RBBP4: variants seen among roughly 807,000 people sequenced by gnomAD.
RBBP4 encodes the protein RB binding protein 4, chromatin remodeling factor.
In RBBP4, 3 loss-of-function variants were observed where a neutral mutation model predicts 57.2. The ratio of observed to expected loss-of-function variants is 0.05; its 90% CI spans 0.02 to 0.14. The LOEUF is 0.14. Among genes scored for constraint, RBBP4 ranks in the 10% least tolerant of loss-of-function variants. RBBP4 has a pLI of 1.00. For synonymous variants in RBBP4, 151 were observed against 171.5 expected (o/e 0.88, Z 0.93); for missense variants, 107 against 520.6 (o/e 0.21, Z 7.73).
intron 3 of RBBP4, among the ~76,000 whole-genome samples, chr1:32,665,242 T>C (rs983106343): frequency 1.3e-5 from 2 of 152,284 alleles, no homozygotes; most frequent in East Asian, 3.9e-4. Context: ...TTAGAATCTA[T>C]CTTGAATTTT....
At chr1:32,675,752 G>A (rs1245162604) in intron 11 of RBBP4, among the ~76,000 whole-genome samples, 1 of 151,984 alleles carries the variant, frequency 6.6e-6, no homozygotes, top group East Asian at 1.9e-4. Flanking sequence ...CTGGGTGACA[G>A]GGCGAGACTC....
chr1:32,684,452 A>T lies in RBBP4; in HGVS notation c.*4747A>T, dbSNP rs1649678205. 1 of 1,602,988 alleles carries T rather than the reference A, an allele frequency of 6.2e-7. No homozygotes were observed. The highest frequency in any genetic ancestry group is 1.3e-5 in the African/African-American group (1 of 74,430). ...AAACTCACATTGTCCACTCTTACTT[A>T]TAAAACACTTTTTTGTTCATTGTTT... On this transcript the variant is annotated 3_prime_UTR_variant, in exon 12 of 12. Coordinates refer to ENST00000373493, the MANE Select transcript of RBBP4 (RefSeq NM_005610.3).
At position 32,679,219 on chromosome 1, in the gene RBBP4, C is replaced by T. The variant is rs786195; in HGVS notation, c.1213-421C>T. On this transcript the variant is annotated intron_variant, in intron 11 of 11. Coordinates refer to ENST00000373493, the MANE Select transcript of RBBP4 (RefSeq NM_005610.3). ...GGCTGAGGCAGGAGAATTGCTTGAA[C>T]CTGGGAGGCATAGGTTGCAGTGAGC... is the stretch of plus-strand genomic sequence containing the variant. Among the ~76,000 whole-genome samples the T allele has an allele frequency of 3.6e-3, 554 of 152,218 alleles. 5 individuals are homozygous for T. The highest frequency in any genetic ancestry group is 0.013 in the African/African-American group (523 of 41,552).
chr1:32,679,561 C>T (rs754115437), intron 11 of RBBP4, 79 bp from the exon 12 acceptor site: 2 of 1,302,688 alleles, frequency 1.5e-6, no homozygotes, highest in Non-Finnish European at 2.1e-6. Context: ...TCTCTGGCTT[C>T]CTGGCCTAAT....
intron 3 of RBBP4, among the ~76,000 whole-genome samples, chr1:32,666,971 G>C (rs1648680493): frequency 6.6e-6 from 1 of 152,216 alleles, no homozygotes; most frequent in Admixed American, 6.5e-5. Context: ...TGAGCCCTCT[G>C]TCACGCCCGC....
Position 32,651,975 on chromosome 1 carries a change from G to A in RBBP4, c.78G>A (p.Lys26=). The A allele has an allele frequency of 6.2e-7, 1 of 1,613,948 alleles. No homozygotes were observed. The highest frequency in any genetic ancestry group is 8.5e-7 in the Non-Finnish European group (1 of 1,179,844). ...ACGAGGAATACAAAATATGGAAAAA[G>A]AACACCCCTTTTCTTTATGATTTGG... ...VINEEYKIWK[K]NTPFLYDLVM... Residue 26 remains lysine, a synonymous_variant, in exon 2 of 12, where the codon AAG becomes AAA. Coordinates refer to ENST00000373493, the MANE Select transcript of RBBP4 (RefSeq NM_005610.3).
rs1400893005 is a variant in RBBP4, at chr1:32,685,741, C to CAA, written c.*6039_*6040dup. 2 of 152,192 alleles carry CAA rather than the reference C, an allele frequency of 1.3e-5. No individual in the cohort carries two copies. Among genetic ancestry groups the CAA allele is most frequent in the Admixed American group, 6.5e-5 (1 of 15,280 alleles). 9.4% of individuals were successfully genotyped at this position (152,192 alleles called of 1,614,324 possible). A position where few individuals can be genotyped will look rare whatever the true frequency, so the allele number is the denominator to read the frequency against. On this transcript the variant is annotated 3_prime_UTR_variant, in exon 12 of 12. Coordinates refer to ENST00000373493, the MANE Select transcript of RBBP4 (RefSeq NM_005610.3). ...ACCTACCAGACCCGTTGGTAAGGTA[C>CAA]AAAAGTACATGCTTGGAAAAGCAGT...
At chr1:32,668,512 A>G (rs1424295068) in intron 4 of RBBP4, 114 bp downstream of exon 4, 12 of 1,180,140 alleles carry the variant, frequency 1.0e-5, no homozygotes, top group Non-Finnish European at 1.2e-5. Flanking sequence ...TGTGATTTGT[A>G]TTGATATGTG....
rs928127440 is a variant in RBBP4 at position 32,668,105 on chromosome 1, C to A, written c.311-120C>A. ...ATAGTGCTAGCAAATGTATAGATTA[C>A]ATCTAGTATTATGCCAGTTTGTTGC... On this transcript the variant is annotated intron_variant, in intron 3 of 11. Coordinates refer to ENST00000373493, the MANE Select transcript of RBBP4 (RefSeq NM_005610.3). 2.0e-5 allele frequency: 18 copies of A among 883,534 alleles called. No homozygotes were observed. In the African/African-American group the frequency reaches 2.7e-4, roughly 13 times the overall value. The allele number at this position is 883,534 out of a possible 1,614,324, so 54.7% of individuals were successfully genotyped here.
intron 11 of RBBP4, among the ~76,000 whole-genome samples, chr1:32,674,809 CCTCTGCCTCCCAGGTTCAAGCAATT>C (rs1448291659): frequency 7.2e-5 from 11 of 151,756 alleles, no homozygotes; most frequent in East Asian, 3.9e-4. Flanking sequence ...CTCACTGCAA[CCTCTGCCTCCCAGGTTCAAGCAATT>C]CTCCTGCCTC....
rs1649381538 is a variant in RBBP4, at chr1:32,680,748, G to C, written c.*1043G>C. ...CCTTCAGATGACAGTTGTTGTCCAT[G>C]GTCTTTGACTATCAAGAGCAGAATT... On this transcript the variant is annotated 3_prime_UTR_variant, in exon 12 of 12. Transcript: ENST00000373493. The C allele has an allele frequency of 1.9e-6, 1 of 514,766 alleles. No homozygotes were observed. The highest frequency in any genetic ancestry group is 3.2e-5 in the East Asian group (1 of 31,172). 31.9% of individuals were successfully genotyped at this position (514,766 alleles called of 1,614,324 possible).
chr1:32,664,118 CGG>C (rs1557855495), intron 3 of RBBP4, among the ~76,000 whole-genome samples: 1 of 151,804 alleles, frequency 6.6e-6, no homozygotes, highest in East Asian at 1.9e-4. Flanking sequence ...TTATTAGAGA[CGG>C]GGTTTTACCG....
At chr1:32,671,954 A>G (rs1474298312) in intron 8 of RBBP4, among the ~76,000 whole-genome samples, 2 of 152,072 alleles carry the variant, frequency 1.3e-5, no homozygotes, top group Non-Finnish European at 2.9e-5. Context: ...TCCTGGGTCT[A>G]GAAATGTCTA....
rs1320681279 is a variant in RBBP4, at chr1:32,679,755, C to G, written c.*50C>G. On this transcript the variant is annotated 3_prime_UTR_variant, in exon 12 of 12. Transcript: ENST00000373493. ...TAGACTCCCCTTTTTTCTTCTCAAC[C>G]CTGAGAGTGATTTAACACTGGTTTT... 3 of 1,608,188 alleles carry G rather than the reference C, an allele frequency of 1.9e-6. No individual in the cohort carries two copies. The highest frequency in any genetic ancestry group is 8.5e-7 in the Non-Finnish European group (1 of 1,177,628).
chr1:32,667,455 C>A (rs1648703161), intron 3 of RBBP4, among the ~76,000 whole-genome samples: 1 of 152,112 alleles, frequency 6.6e-6, no homozygotes. Context: ...TTACCTCGCC[C>A]CCTTGTCTTG....
chr1:32,673,335 C>T (rs543472936), intron 11 of RBBP4: 5 of 342,070 alleles, frequency 1.5e-5, no homozygotes, highest in Non-Finnish European at 2.8e-5. Context: ...GGAGGTATAT[C>T]ATATCACAGC....
rs1648731526 is a variant in RBBP4, at chr1:32,668,095, G to T, written c.311-130G>T. 7.4e-6 allele frequency: 6 copies of T among 811,534 alleles called. 1 individual carries two copies. The highest frequency in any genetic ancestry group is 6.0e-5 in the South Asian group (3 of 50,284). 50.3% of individuals were successfully genotyped at this position (811,534 alleles called of 1,614,324 possible). A position where few individuals can be genotyped will look rare whatever the true frequency, so the allele number is the denominator to read the frequency against. On this transcript the variant is annotated intron_variant, in intron 3 of 11. Coordinates refer to ENST00000373493, the MANE Select transcript of RBBP4 (RefSeq NM_005610.3). Reference sequence around the variant, plus strand: ...AAAGCACTTTATAGTGCTAGCAAATGTATAGATTACATCTAGTATTATGCC... The same window carrying T: ...AAAGCACTTTATAGTGCTAGCAAATTTATAGATTACATCTAGTATTATGCC...
At chr1:32,660,709 A>C (rs1043409852) in intron 3 of RBBP4, among the ~76,000 whole-genome samples, 1 of 151,480 alleles carries the variant, frequency 6.6e-6, no homozygotes, top group Non-Finnish European at 1.5e-5. Flanking sequence ...GTGTTCATCT[A>C]TTGTTGTCTT....
chr1:32,672,135 G>A (rs997538163), intron 8 of RBBP4, among the ~76,000 whole-genome samples: 1 of 151,726 alleles, frequency 6.6e-6, no homozygotes, highest in Non-Finnish European at 1.5e-5. Context: ...GATTACAGGC[G>A]CCTGCCACCA....
Sources: gnomAD v4.1 joint callset for allele counts (sites outside exome capture counted in the v4.1 genomes callset) on GRCh38, gnomAD v4.1.1 for gene constraint, MANE v1.5 for transcripts, NCBI Gene and HGNC (gene_info 2026-07-23, HGNC 2026-07-21) for gene names.